GRK5: variants seen among roughly 807,000 people sequenced by gnomAD.
GRK5 encodes the protein g protein-coupled receptor kinase GRK5.
Under a neutral mutation model 78.4 loss-of-function variants are expected in GRK5, and 40 were observed. The ratio of observed to expected loss-of-function variants is 0.51; its 90% confidence interval spans 0.40 to 0.66. GRK5 has a LOEUF of 0.66. GRK5 is among the 30% of genes least tolerant of loss of function. The probability of loss-of-function intolerance (pLI) is 0.00; values close to 1 mark genes in which losing one functional copy is unlikely to be tolerated. For missense variants in GRK5, 598 were observed against 759.9 expected (o/e 0.79, Z 2.50); for synonymous variants, 289 against 296.8 (o/e 0.97, Z 0.27).
intron 1 of GRK5, among the ~76,000 whole-genome samples, chr10:119,310,278 A>G (rs528128067): frequency 5.2e-4 from 79 of 152,322 alleles, no homozygotes; most frequent in African/African-American, 1.9e-3. Context: ...TATTTCTCCA[A>G]CAGAATTGCC....
At chr10:119,345,140 T>C (rs1304873550) in intron 2 of GRK5, among the ~76,000 whole-genome samples, 2 of 152,024 alleles carry the variant, frequency 1.3e-5, no homozygotes, top group African/African-American at 4.8e-5. Flanking sequence ...GGCTACTTTT[T>C]TGTATTTTTA....
At chr10:119,345,779 G>A (rs1277745170) in intron 2 of GRK5, among the ~76,000 whole-genome samples, 5 of 151,172 alleles carry the variant, frequency 3.3e-5, no homozygotes, top group Non-Finnish European at 5.9e-5. Context: ...GTAATAGCGT[G>A]TTTTCCAAGT....
rs368925221 is a variant in GRK5, at chr10:119,453,295, G to C, written c.1674+19G>C. ...GCGGCAGGTGAGACACCCATGCCTGGCCAGTCCTGGCATCAGCTCCGAGAC... is the reference window on the plus strand; with the variant it reads ...GCGGCAGGTGAGACACCCATGCCTGCCCAGTCCTGGCATCAGCTCCGAGAC... On this transcript the variant is annotated intron_variant, in intron 15 of 15. Coordinates refer to ENST00000392870, the MANE Select transcript of GRK5 (RefSeq NM_005308.3). 4 of 1,613,354 alleles carry C rather than the reference G, an allele frequency of 2.5e-6. No individual in the cohort carries two copies. Among genetic ancestry groups the C allele is most frequent in the East Asian group, 2.2e-5 (1 of 44,890 alleles).
In GRK5 at chr10:119,453,074, A is replaced by T. The variant is rs558783913; in HGVS notation, c.1543-71A>T. ...AGGTGAGGCCAGGGGAGGGAGCCCCAGTGGCTTTGCTGCTGGGCTTCCTGA... is the reference window on the plus strand; with the variant it reads ...AGGTGAGGCCAGGGGAGGGAGCCCCTGTGGCTTTGCTGCTGGGCTTCCTGA... On this transcript the variant is annotated intron_variant, in intron 14 of 15. Transcript: ENST00000392870. The T allele has an allele frequency of 2.9e-4, 289 of 1,005,414 alleles. No homozygotes were observed. In the African/African-American group the frequency reaches 4.0e-3, roughly 14 times the overall value. 62.3% of individuals were successfully genotyped at this position (1,005,414 alleles called of 1,614,324 possible).
chr10:119,326,354 A>G (rs559413168), intron 1 of GRK5, among the ~76,000 whole-genome samples, 162 bp from the exon 2 acceptor site: 5 of 152,174 alleles, frequency 3.3e-5, no homozygotes, highest in African/African-American at 1.2e-4. Context: ...TGGGAGGAAG[A>G]GTGTGTGTGT....
chr10:119,280,316 T>G (rs981908163), intron 1 of GRK5, among the ~76,000 whole-genome samples: 1 of 152,222 alleles, frequency 6.6e-6, no homozygotes, highest in African/African-American at 2.4e-5. Flanking sequence ...ACGGAATCAA[T>G]TCTCTGAGCC....
At chr10:119,402,874 A>T (rs1398497178) in intron 4 of GRK5, among the ~76,000 whole-genome samples, 1 of 152,182 alleles carries the variant, frequency 6.6e-6, no homozygotes, top group East Asian at 1.9e-4. Flanking sequence ...ACAAAACAAA[A>T]CAAAAATACC....
At chr10:119,454,173 GT>G (rs1853354169) in intron 15 of GRK5, among the ~76,000 whole-genome samples, 1 of 152,206 alleles carries the variant, frequency 6.6e-6, no homozygotes, top group Admixed American at 6.5e-5. Flanking sequence ...TAAAACGGAA[GT>G]TCCAGAAAGA....
At chr10:119,301,600 T>C (rs111859593) in intron 1 of GRK5, among the ~76,000 whole-genome samples, 2,242 of 152,280 alleles carry the variant, frequency 0.015, 22 homozygotes, top group South Asian at 0.039. Context: ...AGTGACTTGA[T>C]CTTTCTAGGA....
intron 1 of GRK5, among the ~76,000 whole-genome samples, chr10:119,244,334 TAAG>T (rs1340592293): frequency 6.6e-6 from 1 of 152,250 alleles, no homozygotes; most frequent in Non-Finnish European, 1.5e-5. Context: ...ATGTGTCTGA[TAAG>T]GAGTTAAGAT....
intron 3 of GRK5, among the ~76,000 whole-genome samples, chr10:119,384,546 C>T (rs1296892073): frequency 6.6e-6 from 1 of 152,212 alleles, no homozygotes; most frequent in East Asian, 1.9e-4. Context: ...CCGCTCACAA[C>T]CATGTCTGGA....
At position 119,352,047 on chromosome 10, in the gene GRK5, A is replaced by T. The variant is rs555927083; in HGVS notation, c.148+25436A>T. On this transcript the variant is annotated intron_variant, in intron 2 of 15. Coordinates refer to ENST00000392870, the MANE Select transcript of GRK5 (RefSeq NM_005308.3). ...GGGGAGGTGGCCTCAACTGAGTGGTAGGCTTTAGCAAGGGAAGTTTGGGTG... is the reference window on the plus strand; with the variant it reads ...GGGGAGGTGGCCTCAACTGAGTGGTTGGCTTTAGCAAGGGAAGTTTGGGTG... Among the ~76,000 whole-genome samples the T allele has an allele frequency of 2.0e-5, 3 of 152,336 alleles. No homozygotes were observed. In the South Asian group the frequency reaches 6.2e-4, roughly 32 times the overall value.
intron 2 of GRK5, among the ~76,000 whole-genome samples, chr10:119,344,246 C>T (rs1210434897): frequency 1.3e-5 from 2 of 151,512 alleles, no homozygotes; most frequent in Admixed American, 6.6e-5. Flanking sequence ...TTGTTACATA[C>T]GTATACATGT....
intron 1 of GRK5, among the ~76,000 whole-genome samples, chr10:119,276,347 G>A (rs1287922158): frequency 6.6e-6 from 1 of 151,908 alleles, no homozygotes; most frequent in Non-Finnish European, 1.5e-5. Context: ...GAGAACACGT[G>A]GTGTTTGGTT....
Position 119,371,884 on chromosome 10 carries a change from A to G in GRK5, c.149-8931A>G, listed in dbSNP as rs539914091. Among the ~76,000 whole-genome samples the G allele has an allele frequency of 2.1e-4, 32 of 152,330 alleles. No homozygotes were observed. In the South Asian group the frequency reaches 6.0e-3, roughly 29 times the overall value. On this transcript the variant is annotated intron_variant, in intron 2 of 15. Transcript: ENST00000392870. Reference sequence around the variant, plus strand: ...CAGGTGCTCACATGCGTTGTTGCCAATCCCCGGCAGCAACCAGCTAACTCT... The same window carrying G: ...CAGGTGCTCACATGCGTTGTTGCCAGTCCCCGGCAGCAACCAGCTAACTCT...
chr10:119,223,795 G>C (rs753736703), intron 1 of GRK5, among the ~76,000 whole-genome samples: 74 of 151,604 alleles, frequency 4.9e-4, no homozygotes, highest in African/African-American at 1.7e-3. Flanking sequence ...TGACACCAGG[G>C]CTTTTTCTTT....
chr10:119,217,020 T>C lies in GRK5; in HGVS notation c.52+9051T>C, dbSNP rs115856447. Among the ~76,000 whole-genome samples the C allele has an allele frequency of 5.0e-3, 756 of 152,282 alleles. 5 individuals carry two copies. Among genetic ancestry groups the C allele is most frequent in the African/African-American group, 0.017 (726 of 41,544 alleles). On this transcript the variant is annotated intron_variant, in intron 1 of 15. Coordinates refer to ENST00000392870, the MANE Select transcript of GRK5 (RefSeq NM_005308.3). The surrounding 1 kb of genome is among the most constrained non-coding windows in gnomAD (Gnocchi z 4.1). The stretch of plus-strand genomic sequence containing the variant: ...TGAACTGTGGACTTTTGGGGAGCAA[T>C]TGCAAGTGGATCTCCCCTATCCTCC...
chr10:119,441,157 G>A (rs907211316), intron 10 of GRK5, among the ~76,000 whole-genome samples: 7 of 152,204 alleles, frequency 4.6e-5, no homozygotes, highest in Admixed American at 2.0e-4. Flanking sequence ...GGATGTGCCC[G>A]GTGCCTCCCT....
chr10:119,291,416 C>G (rs936840620), intron 1 of GRK5, among the ~76,000 whole-genome samples: 1 of 152,158 alleles, frequency 6.6e-6, no homozygotes, highest in Admixed American at 6.5e-5. Flanking sequence ...TTTGTTCAGT[C>G]TGGAGCTGGG....
Sources: allele counts gnomAD v4.1 joint callset (sites outside exome capture counted in the v4.1 genomes callset), GRCh38; gene constraint gnomAD v4.1.1; non-coding constraint Gnocchi (gnomAD v3.1); transcripts MANE v1.5; gene names NCBI Gene and HGNC (gene_info 2026-07-23, HGNC 2026-07-21).